The following FLRT1 variants were observed in gnomAD, a reference collection of about 807,000 sequenced individuals.
The protein encoded by FLRT1 is fibronectin leucine rich transmembrane protein 1, also known as leucine-rich repeat transmembrane protein FLRT1.
Under a neutral mutation model 30.9 loss-of-function variants are expected in FLRT1, and 14 were observed. The ratio of observed to expected loss-of-function variants is 0.45; its 90% confidence interval spans 0.30 to 0.71. The LOEUF is 0.71. Ranked by LOEUF, FLRT1 falls within the 30% of genes least tolerant of loss-of-function variation. The pLI is 0.08. For missense variants in FLRT1, 737 were observed against 949.2 expected (o/e 0.78, Z 2.94); for synonymous variants, 368 against 430.4 (o/e 0.85, Z 1.80).
In FLRT1 at chr11:64,042,696, C is replaced by A. The variant is rs149178846; in HGVS notation, c.-1038+6537C>A. Among the ~76,000 whole-genome samples the A allele has an allele frequency of 3.3e-3, 506 of 152,294 alleles. 3 individuals carry two copies. Among genetic ancestry groups the A allele is most frequent in the Non-Finnish European group, 5.3e-3 (361 of 67,994 alleles). ...GGGAGATAGACAACACTCCCCTGAT[C>A]CCCCAGTCACAGTGGGGTGCTTCAT... On this transcript the variant is annotated intron_variant, in intron 1 of 2. Coordinates refer to ENST00000682287, the MANE Select transcript of FLRT1 (RefSeq NM_013280.5).
At chr11:64,047,193 C>T (rs2134402387) in intron 1 of FLRT1, among the ~76,000 whole-genome samples, 1 of 152,336 alleles carries the variant, frequency 6.6e-6, no homozygotes, top group South Asian at 2.1e-4. Context: ...GCCCCCCTCC[C>T]CTCCCCTGCC....
Position 64,067,325 on chromosome 11 carries a change from G to A in FLRT1, c.-1038+31166G>A, listed in dbSNP as rs534285638. On this transcript the variant is annotated intron_variant, in intron 1 of 2. Transcript: ENST00000682287. The surrounding 1 kb of genome is among the most constrained non-coding windows in gnomAD (Gnocchi z 4.6). The stretch of plus-strand genomic sequence containing the variant: ...TCCTCCCCACTGCTCAGCCTCTCCC[G>A]GAGGATGGTGAGGGGGGAATCCATT... Among the ~76,000 whole-genome samples, 3 of 152,298 alleles carry A rather than the reference G, an allele frequency of 2.0e-5. No homozygotes were observed. Among genetic ancestry groups the A allele is most frequent in the Admixed American group, 2.0e-4 (3 of 15,302 alleles).
Position 64,036,415 on chromosome 11 carries a change from G to A in FLRT1, c.-1038+256G>A, listed in dbSNP as rs1455061392. On this transcript the variant is annotated intron_variant, in intron 1 of 2. Transcript: ENST00000682287. This position sits in a 1 kb window ranked among gnomAD's most constrained non-coding sequence, Gnocchi z 5.6. ...GGAGGCGCGGGGTGCGCGGCCGGCG[G>A]CTCAGCTCTCCCGAGCCGAGGCTGG... 1.3e-5 allele frequency among the ~76,000 whole-genome samples: 2 copies of A among 152,190 alleles called. No individual in the cohort carries two copies. Among genetic ancestry groups the A allele is most frequent in the Non-Finnish European group, 2.9e-5 (2 of 68,016 alleles).
intron 1 of FLRT1, among the ~76,000 whole-genome samples, chr11:64,100,509 C>T (rs145980347): frequency 6.6e-6 from 1 of 152,314 alleles, no homozygotes; most frequent in African/African-American, 2.4e-5. Context: ...ACTAACTTCA[C>T]ACGGCATGGT....
chr11:64,077,274 G>A (rs1468429097), intron 1 of FLRT1, among the ~76,000 whole-genome samples: 3 of 152,172 alleles, frequency 2.0e-5, no homozygotes, highest in Admixed American at 1.3e-4. Context: ...TACCCCAGGC[G>A]GCCAGCTGGA....
chr11:64,113,486 ATGGATGGATGGT>A (rs1944899369), intron 2 of FLRT1, among the ~76,000 whole-genome samples: 2 of 149,124 alleles, frequency 1.3e-5, no homozygotes, highest in South Asian at 2.1e-4. Context: ...ATATGGATGG[ATGGATGGATGGT>A]TGGATGGATG....
Position 64,091,221 on chromosome 11 carries a change from G to A in FLRT1, c.-1037-11973G>A, listed in dbSNP as rs1046356232. On this transcript the variant is annotated intron_variant, in intron 1 of 2. Transcript: ENST00000682287. ...AGGGAAGTGGGCAGTGGCAGCCTCC[G>A]CTGCAGGGTCTGCAGCCCACGGAGT... Among the ~76,000 whole-genome samples, 8 of 152,146 alleles carry A rather than the reference G, an allele frequency of 5.3e-5. No homozygotes were observed. The South Asian group carries it at 6.2e-4, about 12-fold the overall frequency.
In FLRT1 at chr11:64,036,931, G is replaced by A. The variant is rs1028666765; in HGVS notation, c.-1038+772G>A. 1.3e-5 allele frequency among the ~76,000 whole-genome samples: 2 copies of A among 152,212 alleles called. No individual in the cohort carries two copies. Among genetic ancestry groups the A allele is most frequent in the African/African-American group, 4.8e-5 (2 of 41,456 alleles). ...GGGGAGTGTTGTCGCCCAGCTGCAGGGAACCGTGGTTGATCAGAGCTCCCC... is the reference window on the plus strand; with the variant it reads ...GGGGAGTGTTGTCGCCCAGCTGCAGAGAACCGTGGTTGATCAGAGCTCCCC... On this transcript the variant is annotated intron_variant, in intron 1 of 2. Coordinates refer to ENST00000682287, the MANE Select transcript of FLRT1 (RefSeq NM_013280.5). The surrounding 1 kb of genome is among the most constrained non-coding windows in gnomAD (Gnocchi z 5.6).
At chr11:64,113,409 G>A (rs1944896179) in intron 2 of FLRT1, among the ~76,000 whole-genome samples, 1 of 135,582 alleles carries the variant, frequency 7.4e-6, no homozygotes, top group African/African-American at 2.5e-5. Context: ...TGAATGGACA[G>A]GTTGATGCAT....
chr11:64,053,728 C>A (rs1943734693), intron 1 of FLRT1, among the ~76,000 whole-genome samples: 1 of 152,070 alleles, frequency 6.6e-6, no homozygotes. Context: ...CCTTCCCTTG[C>A]CTTCCGCTCT....
chr11:64,098,178 C>G (rs1314516129), intron 1 of FLRT1, among the ~76,000 whole-genome samples: 3 of 152,196 alleles, frequency 2.0e-5, no homozygotes, highest in Non-Finnish European at 4.4e-5. Context: ...GGTCACGCTC[C>G]TCCATGCCTC....
intron 2 of FLRT1, among the ~76,000 whole-genome samples, chr11:64,107,924 C>A (rs1275859972): frequency 6.6e-6 from 1 of 152,232 alleles, no homozygotes; most frequent in Non-Finnish European, 1.5e-5. Flanking sequence ...GGAAGAATGG[C>A]TCATTGCTAG....
At chr11:64,056,946 G>T (rs926904344) in intron 1 of FLRT1, among the ~76,000 whole-genome samples, 1 of 152,184 alleles carries the variant, frequency 6.6e-6, no homozygotes, top group Non-Finnish European at 1.5e-5. Flanking sequence ...CCCCTCCTTT[G>T]CTCCCAGCTT....
In FLRT1 at chr11:64,118,982, C is replaced by T. The variant is rs1345387680; in HGVS notation, c.*690C>T. 1 of 166,982 alleles carries T rather than the reference C, an allele frequency of 6.0e-6. No individual in the cohort carries two copies. The highest frequency in any genetic ancestry group is 1.5e-5 in the Non-Finnish European group (1 of 68,078). 10.3% of individuals were successfully genotyped at this position (166,982 alleles called of 1,614,324 possible). A position where few individuals can be genotyped will look rare whatever the true frequency, so the allele number is the denominator to read the frequency against. On this transcript the variant is annotated 3_prime_UTR_variant, in exon 3 of 3. Coordinates refer to ENST00000682287, the MANE Select transcript of FLRT1 (RefSeq NM_013280.5). ...GGCTGAAGCCCTCTTCAGTTCCATG[C>T]ACCACGCTCCGTAGAAGCCCCGGCG...
chr11:64,053,264 G>A (rs1421695133), intron 1 of FLRT1, among the ~76,000 whole-genome samples: 14 of 152,172 alleles, frequency 9.2e-5, no homozygotes, highest in Admixed American at 8.5e-4. Context: ...TACACCTTGG[G>A]CCTCGTTAGG....
At chr11:64,063,996 G>A (rs1388770824) in intron 1 of FLRT1, among the ~76,000 whole-genome samples, 2 of 152,210 alleles carry the variant, frequency 1.3e-5, no homozygotes, top group African/African-American at 4.8e-5. Flanking sequence ...GGCTCCTCTT[G>A]TCAGGCAGCC....
intron 1 of FLRT1, among the ~76,000 whole-genome samples, chr11:64,088,379 C>T (rs910942959): frequency 1.3e-5 from 2 of 152,094 alleles, no homozygotes; most frequent in African/African-American, 2.4e-5. Context: ...TGACTGTCTG[C>T]GGGCCTCGGG....
intron 1 of FLRT1, among the ~76,000 whole-genome samples, chr11:64,078,345 T>C (rs1219947208): frequency 1.3e-5 from 2 of 152,320 alleles, no homozygotes; most frequent in East Asian, 3.9e-4. Flanking sequence ...CCCCTCCCAG[T>C]CCCTGGCCCG....
intron 1 of FLRT1, among the ~76,000 whole-genome samples, chr11:64,070,022 G>C (rs1190532029): frequency 6.6e-6 from 1 of 152,190 alleles, no homozygotes; most frequent in East Asian, 1.9e-4. Flanking sequence ...GGGATGGTGA[G>C]AGGTGTCCGC....
Sources: gnomAD v4.1 joint callset for allele counts (sites outside exome capture counted in the v4.1 genomes callset) on GRCh38, gnomAD v4.1.1 for gene constraint, Gnocchi (gnomAD v3.1) non-coding constraint, MANE v1.5 for transcripts, NCBI Gene and HGNC (gene_info 2026-07-23, HGNC 2026-07-21) for gene names.